The following RPTOR variants were observed in gnomAD, a reference collection of about 807,000 sequenced individuals.
RPTOR encodes the protein regulatory-associated protein of mTOR.
In RPTOR, 21 loss-of-function variants were observed where a neutral mutation model predicts 169.9. That is an observed-to-expected ratio of 0.12 (90% CI 0.09 to 0.18). The LOEUF is 0.18. RPTOR is among the 10% of genes least tolerant of loss of function. RPTOR has a pLI of 1.00. For synonymous variants in RPTOR, 732 were observed against 753.2 expected, an observed-to-expected ratio of 0.97 and a Z score of 0.46; for missense variants, 1,133 against 1,855.9, an observed-to-expected ratio of 0.61 and a Z score of 7.16.
chr17:80,753,926 T>G (rs2066654866), intron 5 of RPTOR, 84 bp from the exon 6 acceptor site: 1 of 1,250,076 alleles, frequency 8.0e-7, no homozygotes. Context: ...TATTCTTTCC[T>G]TCTGTGTTAC....
intron 6 of RPTOR, among the ~76,000 whole-genome samples, chr17:80,768,322 G>A (rs184750485): frequency 4.6e-5 from 7 of 152,140 alleles, no homozygotes; most frequent in Non-Finnish European, 8.8e-5. Flanking sequence ...TCAGTAGGCC[G>A]CTTAGTGAGT....
chr17:80,672,366 CTTTTTTTTTTTT>C (rs61114947), intron 3 of RPTOR, among the ~76,000 whole-genome samples: 56 of 133,298 alleles, frequency 4.2e-4, no homozygotes, highest in Admixed American at 8.3e-4. Flanking sequence ...TGCAAAGGTT[CTTTTTTTTTTTT>C]TTTTTTTAAA....
chr17:80,558,593 G>A (rs1048901647), intron 1 of RPTOR, among the ~76,000 whole-genome samples: 1 of 152,098 alleles, frequency 6.6e-6, no homozygotes, highest in Non-Finnish European at 1.5e-5. Context: ...TTTACATCTC[G>A]CCTTGTTTAC....
intron 17 of RPTOR, among the ~76,000 whole-genome samples, chr17:80,885,512 G>A (rs866164169): frequency 2.6e-5 from 4 of 152,158 alleles, no homozygotes; most frequent in South Asian, 2.1e-4. Flanking sequence ...GTACGTCAGC[G>A]ACTGAACAAA....
chr17:80,863,371 A>G (rs890010065), intron 13 of RPTOR, among the ~76,000 whole-genome samples: 10 of 152,210 alleles, frequency 6.6e-5, no homozygotes, highest in African/African-American at 2.4e-4. Flanking sequence ...AGATAGAATC[A>G]GGAAAATATG....
intron 1 of RPTOR, among the ~76,000 whole-genome samples, chr17:80,557,691 A>G (rs9908487): frequency 0.87 from 131,696 of 151,674 alleles, 58,823 homozygotes; most frequent in East Asian, 1. Flanking sequence ...TTGGGAGGCT[A>G]AGGAGGGCAG....
chr17:80,897,621 C>T (rs867190366), intron 20 of RPTOR, among the ~76,000 whole-genome samples: 4 of 152,250 alleles, frequency 2.6e-5, no homozygotes, highest in Non-Finnish European at 4.4e-5. Context: ...CGCTGCCTTA[C>T]GCTCACCAGC....
intron 1 of RPTOR, among the ~76,000 whole-genome samples, chr17:80,550,371 T>C (rs950028833): frequency 3.3e-5 from 5 of 152,240 alleles, no homozygotes; most frequent in African/African-American, 4.8e-5. Flanking sequence ...TAGTTGTTCC[T>C]TCTCAGACTC....
chr17:80,951,890 T>A (rs2144073416), intron 28 of RPTOR, among the ~76,000 whole-genome samples: 1 of 151,880 alleles, frequency 6.6e-6, no homozygotes, highest in East Asian at 1.9e-4. Flanking sequence ...TTTACAGAGG[T>A]GATTAAGGTC....
chr17:80,909,057 A>T (rs1263087901), intron 21 of RPTOR, 128 bp downstream of exon 21: 2 of 700,690 alleles, frequency 2.9e-6, no homozygotes, highest in Non-Finnish European at 5.1e-6. Flanking sequence ...GCTTCAGCAA[A>T]TATCTTAAAT....
intron 1 of RPTOR, among the ~76,000 whole-genome samples, chr17:80,621,917 C>G (rs149619115): frequency 5.8e-4 from 89 of 152,292 alleles, no homozygotes; most frequent in Non-Finnish European, 1.1e-3. Context: ...CCAGACAAGC[C>G]CCAGGGCAGC....
chr17:80,753,502 G>A lies in RPTOR; in HGVS notation c.655-508G>A, dbSNP rs556389419. ...ACAAAAATTAGCCGGGCATGGTGGC[G>A]TGCGCCTGTAGTCCCAGCTACTCGG... is the stretch of plus-strand genomic sequence containing the variant. On this transcript the variant is annotated intron_variant, in intron 5 of 33. Coordinates refer to ENST00000306801, the MANE Select transcript of RPTOR (RefSeq NM_020761.3). Among the ~76,000 whole-genome samples, 23 of 151,544 alleles carry A rather than the reference G, an allele frequency of 1.5e-4. 1 individual carries two copies. In the South Asian group the frequency reaches 2.7e-3, roughly 18 times the overall value.
intron 1 of RPTOR, among the ~76,000 whole-genome samples, chr17:80,594,275 G>C (rs1003755357): frequency 6.6e-6 from 1 of 152,102 alleles, no homozygotes; most frequent in Non-Finnish European, 1.5e-5. Flanking sequence ...TGTATTTTGA[G>C]TAGAGATGGG....
Position 80,565,807 on chromosome 17 carries a change from G to T in RPTOR, c.162+20016G>T, listed in dbSNP as rs566799556. ...GCCCTAGCAGGCTTATTTTGTTACA[G>T]TTGAGTAAACTGAGGCTATTTGGAG... On this transcript the variant is annotated intron_variant, in intron 1 of 33. Coordinates refer to ENST00000306801, the MANE Select transcript of RPTOR (RefSeq NM_020761.3). Among the ~76,000 whole-genome samples the T allele has an allele frequency of 5.9e-5, 9 of 152,368 alleles. No individual in the cohort carries two copies. The South Asian group carries it at 1.9e-3, about 32-fold the overall frequency.
intron 7 of RPTOR, 89 bp from the exon 8 acceptor site, chr17:80,822,112 C>T (rs772933361): frequency 1.9e-5 from 23 of 1,229,580 alleles, no homozygotes; most frequent in East Asian, 4.7e-5. Context: ...AGCCTTTCGC[C>T]GCCCGCGCCC....
chr17:80,835,724 G>A (rs76520604), intron 9 of RPTOR, among the ~76,000 whole-genome samples: 1,668 of 152,284 alleles, frequency 0.011, 31 homozygotes, highest in African/African-American at 0.038. Context: ...CATACATGGA[G>A]TTTACTCTTA....
chr17:80,851,199 C>G (rs2067790075), intron 11 of RPTOR, among the ~76,000 whole-genome samples: 1 of 152,188 alleles, frequency 6.6e-6, no homozygotes, highest in African/African-American at 2.4e-5. Context: ...AAAGTGTTTG[C>G]ATTACAGTAT....
At position 80,965,396 on chromosome 17, in the gene RPTOR, G is replaced by A. The variant is rs1268724083; in HGVS notation, c.*1066G>A. ...TCTCCAGCCTTGAGCCGCCCATGCTGATGCGACCTCGGCTGACAGCTGGGC... is the reference window on the plus strand; with the variant it reads ...TCTCCAGCCTTGAGCCGCCCATGCTAATGCGACCTCGGCTGACAGCTGGGC... On this transcript the variant is annotated 3_prime_UTR_variant, in exon 34 of 34. Transcript: ENST00000306801. 1.3e-5 allele frequency: 3 copies of A among 233,372 alleles called. No homozygotes were observed. Among genetic ancestry groups the A allele is most frequent in the South Asian group, 3.6e-4 (2 of 5,530 alleles). 14.5% of individuals were successfully genotyped at this position (233,372 alleles called of 1,614,324 possible).
At chr17:80,703,215 G>A (rs1438205615) in intron 3 of RPTOR, among the ~76,000 whole-genome samples, 6 of 152,230 alleles carry the variant, frequency 3.9e-5, no homozygotes, top group Non-Finnish European at 8.8e-5. Flanking sequence ...GAAATCTCGA[G>A]TTTAGTTGAC....
Sources: gnomAD v4.1 joint callset for allele counts (sites outside exome capture counted in the v4.1 genomes callset) on GRCh38, gnomAD v4.1.1 for gene constraint, MANE v1.5 for transcripts, NCBI Gene and HGNC (gene_info 2026-07-23, HGNC 2026-07-21) for gene names.